Variants in ADCK1 observed in about 807,000 individuals in gnomAD.
The protein encoded by ADCK1 is aarF domain containing kinase 1, also known as aarF domain-containing protein kinase 1.
Under a neutral mutation model 52.3 loss-of-function variants are expected in ADCK1, and 41 were observed. The observed-to-expected ratio is 0.78, with a 90% CI of 0.61 to 1.02. ADCK1 has a LOEUF of 1.02. Ranked by LOEUF, ADCK1 falls within the 50% of genes least tolerant of loss-of-function variation. The probability of loss-of-function intolerance (pLI) is 0.00; values close to 1 mark genes in which losing one functional copy is unlikely to be tolerated. For missense variants in ADCK1, 658 were observed against 679.5 expected (o/e 0.97, Z 0.35); for synonymous variants, 250 against 274.6 (o/e 0.91, Z 0.89).
Position 77,843,908 on chromosome 14 carries a change from A to C in ADCK1, c.220-15168A>C, listed in dbSNP as rs2082124284. Among the ~76,000 whole-genome samples the C allele has an allele frequency of 2.6e-5, 4 of 152,272 alleles. No individual in the cohort carries two copies. In the South Asian group the frequency reaches 8.3e-4, roughly 32 times the overall value. ...GCAACTGCCCTCTCCAGATACCCCC[A>C]TCTGCCACCTTCCTTTTAGGATGGG... On this transcript the variant is annotated intron_variant, in intron 3 of 10. Coordinates refer to ENST00000238561, the MANE Select transcript of ADCK1 (RefSeq NM_020421.4).
chr14:77,849,207 T>G (rs1335021262), intron 3 of ADCK1, among the ~76,000 whole-genome samples: 4 of 152,202 alleles, frequency 2.6e-5, no homozygotes, highest in Non-Finnish European at 4.4e-5. Context: ...CCTGAGTAAC[T>G]GGGACCAAAG....
chr14:77,902,976 G>A (rs3783956), intron 6 of ADCK1, among the ~76,000 whole-genome samples: 4,877 of 152,236 alleles, frequency 0.032, 152 homozygotes, highest in South Asian at 0.12. Flanking sequence ...GCCATTTACC[G>A]GCAGGGGTGC....
intron 2 of ADCK1, chr14:77,821,105 A>G (rs1242987835): frequency 6.6e-6 from 1 of 152,196 alleles, no homozygotes; most frequent in African/African-American, 2.4e-5. Flanking sequence ...CTGACTGTGA[A>G]CAATCAATTG....
intron 7 of ADCK1, among the ~76,000 whole-genome samples, chr14:77,921,989 C>T (rs1010133179): frequency 1.3e-5 from 2 of 152,224 alleles, no homozygotes; most frequent in African/African-American, 4.8e-5. Context: ...TCTGTCAGCT[C>T]AGTCTGGCTG....
chr14:77,898,358 T>C (rs774636498), intron 5 of ADCK1, among the ~76,000 whole-genome samples: 7 of 152,220 alleles, frequency 4.6e-5, no homozygotes, highest in Non-Finnish European at 1.0e-4. Flanking sequence ...CTTAGTTTAC[T>C]ATTCGCAGTA....
chr14:77,920,144 G>A (rs2084016394), intron 7 of ADCK1, among the ~76,000 whole-genome samples: 1 of 152,094 alleles, frequency 6.6e-6, no homozygotes, highest in Admixed American at 6.5e-5. Flanking sequence ...TGTTGCATTT[G>A]CTTTTGGGTT....
chr14:77,908,616 C>T (rs2083721377), intron 7 of ADCK1, among the ~76,000 whole-genome samples: 1 of 152,164 alleles, frequency 6.6e-6, no homozygotes, highest in Non-Finnish European at 1.5e-5. Flanking sequence ...ATCTGGAACT[C>T]CTGGGCTCAA....
chr14:77,828,398 A>G (rs2081766217), intron 3 of ADCK1, among the ~76,000 whole-genome samples: 1 of 152,242 alleles, frequency 6.6e-6, no homozygotes. Flanking sequence ...GATCCTGAGC[A>G]TAGGGTTAGC....
chr14:77,800,764 G>T (rs562106345), intron 1 of ADCK1, among the ~76,000 whole-genome samples: 1 of 152,360 alleles, frequency 6.6e-6, no homozygotes, highest in South Asian at 2.1e-4. Context: ...AAGACACCTA[G>T]AACAGCCCTC....
At chr14:77,924,689 G>A (rs2084146821) in intron 8 of ADCK1, 83 bp downstream of exon 8, 1 of 1,551,454 alleles carries the variant, frequency 6.4e-7, no homozygotes, top group Non-Finnish European at 8.7e-7. Context: ...AGAACCGGGA[G>A]GGAGATAGCG....
chr14:77,834,742 G>A (rs539741723), intron 3 of ADCK1, among the ~76,000 whole-genome samples: 1 of 152,322 alleles, frequency 6.6e-6, no homozygotes, highest in South Asian at 2.1e-4. Flanking sequence ...ACATGGGTGG[G>A]CTTCCTGCTA....
At chr14:77,924,859 A>G (rs111461936) in intron 8 of ADCK1, among the ~76,000 whole-genome samples, 89 of 152,360 alleles carry the variant, frequency 5.8e-4, no homozygotes, top group African/African-American at 1.7e-3. Flanking sequence ...ATAGGCTTGT[A>G]TGTTAGATTA....
intron 1 of ADCK1, among the ~76,000 whole-genome samples, chr14:77,813,138 G>A (rs1313068521): frequency 2.0e-5 from 3 of 149,814 alleles, no homozygotes; most frequent in Non-Finnish European, 4.5e-5. Flanking sequence ...TAGTAGCTGG[G>A]ATTATAGGCA....
In ADCK1 at chr14:77,924,612, A is replaced by G; in HGVS notation, c.1008+6A>G. On this transcript the variant is annotated splice_donor_region_variant and intron_variant, in intron 8 of 10. Transcript: ENST00000238561. ...TGGACCATGGGCTTTACCAGGTAGA[A>G]GAGGCCTTTGTTACCCAGCCCTGGG... 1 of 1,612,314 alleles carries G rather than the reference A, an allele frequency of 6.2e-7. No individual in the cohort carries two copies. The highest frequency in any genetic ancestry group is 1.1e-5 in the South Asian group (1 of 91,072).
chr14:77,915,933 A>G (rs1208626205), intron 7 of ADCK1, among the ~76,000 whole-genome samples: 1 of 152,222 alleles, frequency 6.6e-6, no homozygotes, highest in African/African-American at 2.4e-5. Context: ...TGACTGAAAC[A>G]GAACGCTTGG....
At chr14:77,815,265 G>A (rs528871941) in intron 1 of ADCK1, among the ~76,000 whole-genome samples, 7 of 147,980 alleles carry the variant, frequency 4.7e-5, no homozygotes, top group Admixed American at 2.0e-4. Flanking sequence ...ATGCAGTGGC[G>A]TGATCATGGC....
At chr14:77,882,265 C>T (rs947144882) in intron 4 of ADCK1, among the ~76,000 whole-genome samples, 1 of 151,206 alleles carries the variant, frequency 6.6e-6, no homozygotes, top group African/African-American at 2.4e-5. Context: ...GTAGGGGGGG[C>T]CAGCTCGAGA....
intron 1 of ADCK1, among the ~76,000 whole-genome samples, chr14:77,811,875 A>G (rs2081345076): frequency 6.6e-6 from 1 of 152,234 alleles, no homozygotes; most frequent in Non-Finnish European, 1.5e-5. Flanking sequence ...TTATTAAAAT[A>G]TTGGCATAAT....
At chr14:77,869,135 G>C (rs779759973) in intron 4 of ADCK1, among the ~76,000 whole-genome samples, 1 of 152,198 alleles carries the variant, frequency 6.6e-6, no homozygotes, top group Non-Finnish European at 1.5e-5. Flanking sequence ...CTGGCCTGGA[G>C]TGGCAGGGAG....
Sources: allele counts gnomAD v4.1 joint callset (sites outside exome capture counted in the v4.1 genomes callset), GRCh38; gene constraint gnomAD v4.1.1; transcripts MANE v1.5; gene names NCBI Gene and HGNC (gene_info 2026-07-23, HGNC 2026-07-21).